LTF: variants seen among roughly 807,000 people sequenced by gnomAD.
The protein encoded by LTF is lactotransferrin.
LTF carries 91 observed loss-of-function variants against 87.2 expected under a neutral mutation model. That is an observed-to-expected ratio of 1.04 (90% CI 0.88 to 1.24). The LOEUF (loss-of-function observed/expected upper bound fraction) is 1.24. Ranked by LOEUF, LTF falls within the 50% of genes most tolerant of loss-of-function variation. The pLI is 0.00. For synonymous variants in LTF, 378 were observed against 356.1 expected (o/e 1.06, Z -0.69); for missense variants, 901 against 904.3 (o/e 1.00, Z 0.05).
At chr3:46,472,487 A>AG (rs1559611632) in intron 1 of LTF, among the ~76,000 whole-genome samples, 43 of 145,838 alleles carry the variant, frequency 2.9e-4, no homozygotes, top group Middle Eastern at 3.6e-3. Context: ...GGAAAAGATT[A>AG]TTGTGTGTGT....
chr3:46,469,458 T>C (rs2106915472), upstream of LTF: 1 of 152,422 alleles, frequency 6.6e-6, no homozygotes, highest in Non-Finnish European at 1.5e-5. Context: ...TGTTTCCAGC[T>C]GAGTGGACTT....
intron 11 of LTF, 88 bp from the exon 12 acceptor site, chr3:46,445,524 A>G: frequency 8.4e-7 from 1 of 1,184,700 alleles, no homozygotes; most frequent in Non-Finnish European, 1.2e-6. Context: ...AGCCCAGGCC[A>G]AAACAGGCCA....
At chr3:46,445,847 C>T (rs1268692354) in intron 11 of LTF, among the ~76,000 whole-genome samples, 1 of 152,252 alleles carries the variant, frequency 6.6e-6, no homozygotes, top group African/African-American at 2.4e-5. Flanking sequence ...AGCCAGCTAA[C>T]GGCTGTGTGG....
chr3:46,467,429 A>C (rs1053791441), upstream of LTF, among the ~76,000 whole-genome samples: 2 of 151,994 alleles, frequency 1.3e-5, no homozygotes, highest in Non-Finnish European at 2.9e-5. Flanking sequence ...ACCAGCACCC[A>C]TCATGAGGGC....
intron 1 of LTF, among the ~76,000 whole-genome samples, chr3:46,479,421 A>G (rs1703403799): frequency 6.6e-6 from 1 of 152,238 alleles, no homozygotes; most frequent in Admixed American, 6.5e-5. Flanking sequence ...AAGGCTGAGA[A>G]TGGACTGAGA....
chr3:46,462,205 A>C (rs1299257382), intron 1 of LTF, among the ~76,000 whole-genome samples: 1 of 152,250 alleles, frequency 6.6e-6, no homozygotes, highest in Non-Finnish European at 1.5e-5. Context: ...TGTGTCACGC[A>C]AGGAATGTGT....
chr3:46,445,186 C>T, intron 12 of LTF, 95 bp downstream of exon 12: 2 of 1,306,334 alleles, frequency 1.5e-6, no homozygotes, highest in Non-Finnish European at 2.1e-6. Context: ...CACTATCAGC[C>T]TGCAAATCCC....
In LTF at chr3:46,446,701, C is replaced by T. The variant is rs571497265; in HGVS notation, c.1304-208G>A. Among the ~76,000 whole-genome samples the T allele has an allele frequency of 5.3e-5, 8 of 152,326 alleles. 1 individual carries two copies. In the South Asian group the frequency reaches 1.2e-3, roughly 24 times the overall value. ...CACCACAGCCACCAACTGGAAACTA[C>T]TCAAATGCCCATCCACACTCAAATG... On this transcript the variant is annotated intron_variant, in intron 10 of 16. Transcript: ENST00000231751.
upstream of LTF, chr3:46,468,422 G>C (rs968837772): frequency 4.6e-6 from 2 of 431,318 alleles, no homozygotes; most frequent in African/African-American, 2.0e-5. Flanking sequence ...GCAGTGGCAA[G>C]AGCTAGTGTT....
chr3:46,478,068 C>T (rs1703383734), intron 1 of LTF, among the ~76,000 whole-genome samples: 1 of 152,196 alleles, frequency 6.6e-6, no homozygotes, highest in African/African-American at 2.4e-5. Context: ...TCCACACCCA[C>T]ACTCCTTATG....
rs60788205 is a variant in LTF at position 46,462,359 on chromosome 3, C to T, written c.43+2466G>A. On this transcript the variant is annotated intron_variant, in intron 1 of 16. Coordinates refer to ENST00000231751, the MANE Select transcript of LTF (RefSeq NM_002343.6). ...ACATACGTGTCTCCATTAGTTGCCA[C>T]AGCTCCTCTGTATTGTGAATTCTGC... Among the ~76,000 whole-genome samples, 762 of 152,310 alleles carry T rather than the reference C, an allele frequency of 5.0e-3. 6 individuals are homozygous for T. The highest frequency in any genetic ancestry group is 0.017 in the African/African-American group (714 of 41,560).
chr3:46,468,151 A>G (rs947552957), upstream of LTF: 1 of 455,502 alleles, frequency 2.2e-6, no homozygotes, highest in African/African-American at 2.0e-5. Flanking sequence ...AAAGGGACAA[A>G]GGATCCTGTT....
intron 7 of LTF, among the ~76,000 whole-genome samples, chr3:46,450,294 G>A (rs1285931228): frequency 6.6e-6 from 1 of 152,118 alleles, no homozygotes; most frequent in Non-Finnish European, 1.5e-5. Context: ...CCCATCATAA[G>A]ACGCTGTCAG....
intron 1 of LTF, among the ~76,000 whole-genome samples, chr3:46,482,609 GA>G (rs1178929303): frequency 3.5e-5 from 2 of 56,946 alleles, no homozygotes; most frequent in African/African-American, 1.5e-4. Flanking sequence ...AAGAAAGAAA[GA>G]AGAAAGAAAG....
At chr3:46,448,674 G>A (rs933153388) in intron 9 of LTF, among the ~76,000 whole-genome samples, 189 bp downstream of exon 9, 1 of 152,190 alleles carries the variant, frequency 6.6e-6, no homozygotes, top group Non-Finnish European at 1.5e-5. Flanking sequence ...AACCAGAGGA[G>A]TGGGAAACCC....
chr3:46,480,774 G>A (rs979154204), intron 1 of LTF, among the ~76,000 whole-genome samples: 2 of 152,188 alleles, frequency 1.3e-5, no homozygotes, highest in African/African-American at 4.8e-5. Context: ...ACAAAAGAAC[G>A]TATTGAGACT....
chr3:46,452,250 A>G (rs1234755380), intron 6 of LTF, among the ~76,000 whole-genome samples: 1 of 152,254 alleles, frequency 6.6e-6, no homozygotes, highest in Non-Finnish European at 1.5e-5. Context: ...TATGGACTAT[A>G]AGATGTTACA....
chr3:46,478,906 A>G (rs1703396802), intron 1 of LTF, among the ~76,000 whole-genome samples: 2 of 152,236 alleles, frequency 1.3e-5, no homozygotes, highest in Non-Finnish European at 2.9e-5. Context: ...CAGACCTGAC[A>G]CAGTGCGGCC....
rs1234160146 is a variant in LTF, at chr3:46,482,628, GA to G, written c.-320+2357del. Among the ~76,000 whole-genome samples, 187 of 71,120 alleles carry G rather than the reference GA, an allele frequency of 2.6e-3. 9 individuals carry two copies. Among genetic ancestry groups the G allele is most frequent in the African/African-American group, 9.6e-3 (176 of 18,294 alleles). 46.7% of individuals were successfully genotyped at this position (71,120 alleles called of 152,430 possible). On this transcript the variant is annotated intron_variant, in intron 1 of 19. Transcript: ENST00000443496. ...AAGAAAGAAGAAAGAAAGAAAGAAAGAAAGAAAGAAAGAAAGAAAGAAAGAA... is the reference window on the plus strand; with the variant it reads ...AAGAAAGAAGAAAGAAAGAAAGAAAGAAGAAAGAAAGAAAGAAAGAAAGAA...
Sources: allele counts gnomAD v4.1 joint callset (sites outside exome capture counted in the v4.1 genomes callset), GRCh38; gene constraint gnomAD v4.1.1; transcripts MANE v1.5; gene names NCBI Gene and HGNC (gene_info 2026-07-23, HGNC 2026-07-21).